Variants in ATG2B observed in about 807,000 individuals in gnomAD.
The protein encoded by ATG2B is autophagy-related protein 2 homolog B.
In ATG2B, 121 loss-of-function variants were observed where a neutral mutation model predicts 241.3. That is an observed-to-expected ratio of 0.50 (90% CI 0.43 to 0.58). ATG2B has a LOEUF of 0.58. ATG2B is among the 20% of genes least tolerant of loss of function. The pLI, the probability that ATG2B is intolerant of heterozygous loss-of-function variation, is 0.00. For missense variants in ATG2B, 2,306 were observed against 2,491.6 expected (o/e 0.93, Z 1.59); for synonymous variants, 858 against 876.6 (o/e 0.98, Z 0.37).
At chr14:96,348,490 C>T (rs943061236) in intron 1 of ATG2B, among the ~76,000 whole-genome samples, 8 of 152,050 alleles carry the variant, frequency 5.3e-5, no homozygotes, top group African/African-American at 1.9e-4. Flanking sequence ...CGAGACCAGC[C>T]TGGCCAACAT....
At position 96,281,872 on chromosome 14, in the gene ATG2B, G is replaced by C. The variant is rs950303886; in HGVS notation, c.*3883C>G. Reference sequence around the variant, plus strand: ...CAAAAAAGCTGACATCTCAAACTCTGAGTTGTTGAGACTCAAATTTCTCAT... The same window carrying C: ...CAAAAAAGCTGACATCTCAAACTCTCAGTTGTTGAGACTCAAATTTCTCAT... On this transcript the variant is annotated 3_prime_UTR_variant, in exon 42 of 42. Coordinates refer to ENST00000359933, the MANE Select transcript of ATG2B (RefSeq NM_018036.7). 2 of 152,194 alleles carry C rather than the reference G, an allele frequency of 1.3e-5. No homozygotes were observed. The highest frequency in any genetic ancestry group is 4.8e-5 in the African/African-American group (2 of 41,442). 9.4% of individuals were successfully genotyped at this position (152,194 alleles called of 1,614,324 possible). A position where few individuals can be genotyped will look rare whatever the true frequency, so the allele number is the denominator to read the frequency against.
intron 26 of ATG2B, 139 bp from the exon 27 acceptor site, chr14:96,311,757 T>C: frequency 3.3e-6 from 2 of 603,398 alleles, no homozygotes; most frequent in South Asian, 2.6e-5. Context: ...ATGAAAATAG[T>C]TTCATCCCAT....
intron 15 of ATG2B, 61 bp from the exon 16 acceptor site, chr14:96,324,059 G>T: frequency 9.2e-7 from 1 of 1,082,746 alleles, no homozygotes; most frequent in South Asian, 1.4e-5. Flanking sequence ...AGAAGAGATG[G>T]AGGAGCAAAG....
At position 96,295,127 on chromosome 14, in the gene ATG2B, T is replaced by C. The variant is rs1356278095; in HGVS notation, c.5259A>G (p.Pro1753=). The C allele has an allele frequency of 1.2e-6, 2 of 1,614,214 alleles. No individual in the cohort carries two copies. Among genetic ancestry groups the C allele is most frequent in the African/African-American group, 2.7e-5 (2 of 75,052 alleles). ...GCTCCTTTGAGGTACTCAAATGCCT[T>C]GGCAAACTGCAGGTGACATCAGCTC... ...SPGADVTCSL[P]RHLSTSKEPN... is the part of the protein sequence containing the mutation. Residue 1753 remains proline (P), a synonymous_variant, in exon 36 of 42, where the codon CCA becomes CCG. Coordinates refer to ENST00000359933, the MANE Select transcript of ATG2B (RefSeq NM_018036.7).
chr14:96,291,581 A>G lies in ATG2B; in HGVS notation c.5579+19T>C, dbSNP rs1190515299. 1.3e-6 allele frequency: 2 copies of G among 1,564,632 alleles called. No homozygotes were observed. Among genetic ancestry groups the G allele is most frequent in the Admixed American group, 1.8e-5 (1 of 56,546 alleles). Reference sequence around the variant, plus strand: ...CTTTGATAACTTCACTTAAAGCTTCATATAATAAATTCACTTACCCATGTC... The same window carrying G: ...CTTTGATAACTTCACTTAAAGCTTCGTATAATAAATTCACTTACCCATGTC... On this transcript the variant is annotated intron_variant, in intron 38 of 41. Coordinates refer to ENST00000359933, the MANE Select transcript of ATG2B (RefSeq NM_018036.7).
chr14:96,354,251 A>C (rs1258768542), intron 1 of ATG2B, among the ~76,000 whole-genome samples: 4 of 152,196 alleles, frequency 2.6e-5, no homozygotes, highest in Non-Finnish European at 5.9e-5. Context: ...TATTAAGCCC[A>C]GTATCCATTA....
At position 96,295,575 on chromosome 14, in the gene ATG2B, T is replaced by C; in HGVS notation, c.5140-15A>G. 1.9e-6 allele frequency: 3 copies of C among 1,542,882 alleles called. No individual in the cohort carries two copies. On this transcript the variant is annotated splice_polypyrimidine_tract_variant and intron_variant, in intron 34 of 41. Coordinates refer to ENST00000359933, the MANE Select transcript of ATG2B (RefSeq NM_018036.7). ...AACAAAGCATCCTAAAATTAAGAGA[T>C]GTAATTTTAACTAAGGAAGAAAAGA...
At chr14:96,315,048 T>C (rs537415783) in intron 23 of ATG2B, 106 bp downstream of exon 23, 26 of 797,776 alleles carry the variant, frequency 3.3e-5, no homozygotes, top group African/African-American at 1.6e-4. Context: ...CACTTAATGA[T>C]AATTCACTGA....
chr14:96,291,246 T>C (rs569835417), intron 38 of ATG2B, among the ~76,000 whole-genome samples: 1 of 152,222 alleles, frequency 6.6e-6, no homozygotes, highest in African/African-American at 2.4e-5. Context: ...AATGTTCTTA[T>C]TTCTTGAACA....
chr14:96,309,767 C>T (rs1301526520), intron 28 of ATG2B, among the ~76,000 whole-genome samples, 173 bp from the exon 29 acceptor site: 1 of 152,104 alleles, frequency 6.6e-6, no homozygotes, highest in African/African-American at 2.4e-5. Context: ...GTATTATCAC[C>T]CTAACAAATA....
At chr14:96,341,934 C>G (rs1388881227) in intron 5 of ATG2B, among the ~76,000 whole-genome samples, 1 of 152,022 alleles carries the variant, frequency 6.6e-6, no homozygotes, top group Non-Finnish European at 1.5e-5. Flanking sequence ...TGAAAAAAAG[C>G]ACAGTATCTG....
chr14:96,302,967 T>C lies in ATG2B; in HGVS notation c.5037+94A>G. On this transcript the variant is annotated intron_variant, in intron 33 of 41. Transcript: ENST00000359933. ...TCACATTAAAATGAGAAAAGATATC[T>C]AGTAATTTTCCCTACTTTAACTCTC... 4.5e-6 allele frequency: 4 copies of C among 887,570 alleles called. 1 individual carries two copies. The highest frequency in any genetic ancestry group is 6.4e-6 in the Non-Finnish European group (4 of 626,740). 55.0% of individuals were successfully genotyped at this position (887,570 alleles called of 1,614,324 possible).
rs1157705084 is a variant in ATG2B, at chr14:96,331,544, A to G, written c.1562T>C (p.Ile521Thr). 6.8e-6 allele frequency: 11 copies of G among 1,614,136 alleles called. No individual in the cohort carries two copies. The highest frequency in any genetic ancestry group is 2.2e-5 in the East Asian group (1 of 44,866). ...VGTFSISVLHIDPLSPPETSQ... is the reference protein window; with the variant it reads ...VGTFSISVLHTDPLSPPETSQ... The stretch of plus-strand genomic sequence containing the variant: ...CGTTTCAGGTGGAGATAAAGGATCA[A>G]TGTGAAGCACAGAGATTGAAAAAGT... The change falls in exon 11 of 42, where the codon ATT becomes ACT. Residue 521 changes from isoleucine to threonine, a missense_variant. By Grantham distance (89) the Ile-to-Thr change is moderately conservative. Around this residue, in one of 2 missense-constraint regions of ATG2B, gnomAD observed 1,927 missense variants for 2,011.2 expected, o/e 0.96. Coordinates refer to ENST00000359933, the MANE Select transcript of ATG2B (RefSeq NM_018036.7).
chr14:96,338,086 T>C (rs184420688), intron 6 of ATG2B, among the ~76,000 whole-genome samples: 1 of 152,270 alleles, frequency 6.6e-6, no homozygotes, highest in East Asian at 1.9e-4. Flanking sequence ...GATTCTTAGC[T>C]TGGTCACTGT....
At chr14:96,311,644 C>T (rs1566721196) in intron 26 of ATG2B, 26 bp from the exon 27 acceptor site, 3 of 1,471,800 alleles carry the variant, frequency 2.0e-6, no homozygotes, top group African/African-American at 1.4e-5. Context: ...TTAAGAAAAT[C>T]TCTTCAGTAC....
chr14:96,302,131 A>C, intron 33 of ATG2B, 23 bp from the exon 34 acceptor site: 1 of 1,483,830 alleles, frequency 6.7e-7, no homozygotes, highest in African/African-American at 1.4e-5. Context: ...AAAGAGAATA[A>C]CATTTTTCCC....
In ATG2B at chr14:96,304,360, T is replaced by G. The variant is rs1886873780; in HGVS notation, c.4842+135A>C. The stretch of plus-strand genomic sequence containing the variant: ...TTGAGAATGAAAAAGAGGTAAGAGT[T>G]TTATACAAGATCCTTGCACTTTTCC... On this transcript the variant is annotated intron_variant, in intron 32 of 41. Coordinates refer to ENST00000359933, the MANE Select transcript of ATG2B (RefSeq NM_018036.7). 5 of 576,312 alleles carry G rather than the reference T, an allele frequency of 8.7e-6. No individual in the cohort carries two copies. In the East Asian group the frequency reaches 1.4e-4, roughly 16 times the overall value. 35.7% of individuals were successfully genotyped at this position (576,312 alleles called of 1,614,324 possible). A position where few individuals can be genotyped will look rare whatever the true frequency, so the allele number is the denominator to read the frequency against.
chr14:96,309,683 A>G lies in ATG2B; in HGVS notation c.4162-89T>C, dbSNP rs555890386. On this transcript the variant is annotated intron_variant, in intron 28 of 41. Transcript: ENST00000359933. ...TTATTTTATCCCAAAAATACATTAC[A>G]TTGTACAAAAACATCAGAAATAGAA... 2.1e-4 allele frequency: 265 copies of G among 1,253,560 alleles called. 2 individuals are homozygous for G. In the African/African-American group the frequency reaches 3.6e-3, roughly 17 times the overall value. The allele number at this position is 1,253,560 out of a possible 1,614,324, so 77.7% of individuals were successfully genotyped here. A position where few individuals can be genotyped will look rare whatever the true frequency, so the allele number is the denominator to read the frequency against.
chr14:96,343,275 C>T lies in ATG2B; in HGVS notation c.588G>A (p.Val196=). The part of the protein sequence containing the change: ...TALEIRIERT[V]YCDETADESS... ...ATTCGTCAGCAGTTTCATCACAGTA[C>T]ACAGTTCTGAAATTTTTTTAAAAAG... Residue 196 remains valine (V), a synonymous_variant, in exon 5 of 42, where the codon GTG becomes GTA. Coordinates refer to ENST00000359933, the MANE Select transcript of ATG2B (RefSeq NM_018036.7). The T allele has an allele frequency of 6.3e-7, 1 of 1,576,892 alleles. No individual in the cohort carries two copies. Among genetic ancestry groups the T allele is most frequent in the East Asian group, 2.2e-5 (1 of 44,520 alleles).
Sources: gnomAD v4.1 joint callset for allele counts (sites outside exome capture counted in the v4.1 genomes callset) on GRCh38, gnomAD v4.1.1 for gene constraint, gnomAD v4.1.1 regional missense constraint, MANE v1.5 for transcripts, NCBI Gene and HGNC (gene_info 2026-07-23, HGNC 2026-07-21) for gene names.